SATB1: variants seen among roughly 807,000 people sequenced by gnomAD.
The protein encoded by SATB1 is SATB homeobox 1.
SATB1 carries 11 observed loss-of-function variants against 86.9 expected under a neutral mutation model. That is an observed-to-expected ratio of 0.13 (90% confidence interval 0.08 to 0.21). The LOEUF is 0.21. SATB1 is among the 10% of genes least tolerant of loss of function. The pLI is 1.00. For synonymous variants in SATB1, 357 were observed against 357.2 expected (o/e 1.00, Z 0.01); for missense variants, 551 against 937.6 (o/e 0.59, Z 5.39).
At chr3:18,392,252 G>T (rs1339867157) in intron 7 of SATB1, among the ~76,000 whole-genome samples, 1 of 152,050 alleles carries the variant, frequency 6.6e-6, no homozygotes, top group African/African-American at 2.4e-5. Context: ...CTTTTTCAAA[G>T]AGATTAATAT....
At chr3:18,422,653 A>G (rs1223050584) in intron 1 of SATB1, among the ~76,000 whole-genome samples, 1 of 152,256 alleles carries the variant, frequency 6.6e-6, no homozygotes, top group Non-Finnish European at 1.5e-5. Flanking sequence ...AACACTCTTT[A>G]TAACGTTTCA....
At chr3:18,392,350 C>G (rs1239635338) in intron 7 of SATB1, among the ~76,000 whole-genome samples, 1 of 152,074 alleles carries the variant, frequency 6.6e-6, no homozygotes, top group Non-Finnish European at 1.5e-5. Flanking sequence ...AAAGGCAGAA[C>G]AAATGGCCAA....
intron 2 of SATB1, among the ~76,000 whole-genome samples, chr3:18,431,090 G>A (rs990687980): frequency 1.3e-5 from 2 of 152,232 alleles, no homozygotes; most frequent in Middle Eastern, 3.4e-3. Context: ...GACAGGGCAC[G>A]GTGGTAATAA....
chr3:18,351,173 A>G, intron 10 of SATB1: 1 of 705,464 alleles, frequency 1.4e-6, no homozygotes. Flanking sequence ...ATAAGGCTGC[A>G]TCTGCTGGCA....
upstream of SATB1, among the ~76,000 whole-genome samples, chr3:18,443,682 G>C (rs189191343): frequency 8.3e-4 from 126 of 152,234 alleles, no homozygotes; most frequent in African/African-American, 2.9e-3. This position sits in a 1 kb window ranked among gnomAD's most constrained non-coding sequence, Gnocchi z 4.4. Flanking sequence ...CGTCCTTCTC[G>C]TCGTGGTTTC....
intron 8 of SATB1, among the ~76,000 whole-genome samples, chr3:18,385,873 A>C (rs953107893): frequency 1.3e-5 from 2 of 152,172 alleles, no homozygotes; most frequent in Non-Finnish European, 2.9e-5. Context: ...ATCTTGGAGT[A>C]TGGATAGAAT....
At chr3:18,379,201 G>A (rs1695918967) in intron 8 of SATB1, among the ~76,000 whole-genome samples, 1 of 152,164 alleles carries the variant, frequency 6.6e-6, no homozygotes, top group Admixed American at 6.5e-5. Context: ...AATTTTAGGG[G>A]CTGAAAGCAA....
At chr3:18,350,918 T>A in intron 10 of SATB1, 1 of 273,196 alleles carries the variant, frequency 3.7e-6, no homozygotes, top group South Asian at 3.8e-5. Context: ...TGTAGGTGAC[T>A]CAACAGAGGT....
intron 2 of SATB1, among the ~76,000 whole-genome samples, chr3:18,433,238 A>G (rs1474960640): frequency 6.6e-6 from 1 of 152,204 alleles, no homozygotes; most frequent in Non-Finnish European, 1.5e-5. Context: ...AACTATATGC[A>G]TGAAATAGAT....
intron 5 of SATB1, among the ~76,000 whole-genome samples, chr3:18,414,348 G>C (rs977925535): frequency 1.3e-5 from 2 of 151,912 alleles, no homozygotes; most frequent in Non-Finnish European, 2.9e-5. Flanking sequence ...CATCAAAAAT[G>C]ATGTTTGATT....
At chr3:18,396,245 G>A (rs577463050) in intron 6 of SATB1, among the ~76,000 whole-genome samples, 46 of 151,694 alleles carry the variant, frequency 3.0e-4, no homozygotes, top group African/African-American at 9.9e-4. Context: ...AATATTAAGA[G>A]CTAAAACTTG....
At chr3:18,392,729 G>T (rs892308813) in intron 7 of SATB1, among the ~76,000 whole-genome samples, 8 of 151,914 alleles carry the variant, frequency 5.3e-5, no homozygotes, top group South Asian at 2.1e-4. Flanking sequence ...AGAATTATTA[G>T]TACTTACTAT....
Position 18,386,349 on chromosome 3 carries a change from A to G in SATB1, c.1419+50T>C, listed in dbSNP as rs940884802. The G allele has an allele frequency of 2.9e-6, 4 of 1,377,782 alleles. No individual in the cohort carries two copies. The African/African-American group carries it at 4.3e-5, about 15-fold the overall frequency. 85.3% of individuals were successfully genotyped at this position (1,377,782 alleles called of 1,614,324 possible). On this transcript the variant is annotated intron_variant, in intron 8 of 10. Transcript: ENST00000338745. This position sits in a 1 kb window ranked among gnomAD's most constrained non-coding sequence, Gnocchi z 4.5. ...TTCTTATTGAGATTCTTCCTCAAGC[A>G]TTAAAAAAAAGCTAAACAAAGAAGG...
upstream of SATB1, among the ~76,000 whole-genome samples, chr3:18,425,603 G>C (rs889155457): frequency 2.0e-5 from 3 of 151,858 alleles, no homozygotes; most frequent in African/African-American, 7.3e-5. Flanking sequence ...GCAAGAATTT[G>C]TAATGAGCTT....
intron 5 of SATB1, among the ~76,000 whole-genome samples, chr3:18,412,570 T>C (rs73040331): frequency 0.048 from 7,370 of 152,146 alleles, 244 homozygotes; most frequent in Non-Finnish European, 0.075. Flanking sequence ...CTCCCATGAA[T>C]GAATCAACAC....
intron 8 of SATB1, 132 bp from the exon 9 acceptor site, chr3:18,378,457 C>T (rs1443634958): frequency 8.5e-6 from 7 of 824,774 alleles, no homozygotes; most frequent in Non-Finnish European, 1.1e-5. Flanking sequence ...AGTCATTCAA[C>T]ATTAGTTATT....
Position 18,394,439 on chromosome 3 carries a change from AC to A in SATB1, c.1206+22del. The A allele has an allele frequency of 6.2e-7, 1 of 1,603,558 alleles. No individual in the cohort carries two copies. Among genetic ancestry groups the A allele is most frequent in the Non-Finnish European group, 8.5e-7 (1 of 1,170,554 alleles). ...AAGAGAAAATAGGAGACAGCACAGA[AC>A]CACTTATGAAACACAACTGACCTGA... On this transcript the variant is annotated intron_variant, in intron 7 of 10. Transcript: ENST00000338745. This position sits in a 1 kb window ranked among gnomAD's most constrained non-coding sequence, Gnocchi z 5.9.
intron 9 of SATB1, among the ~76,000 whole-genome samples, chr3:18,356,240 T>G (rs1453842416): frequency 6.6e-6 from 1 of 151,852 alleles, no homozygotes; most frequent in African/African-American, 2.4e-5. Flanking sequence ...AAGTCTTAAA[T>G]CCATCTGCCA....
At chr3:18,436,774 T>A (rs935784666) in intron 2 of SATB1, 2 of 152,240 alleles carry the variant, frequency 1.3e-5, no homozygotes, top group African/African-American at 4.8e-5. Context: ...TACTTTTTTG[T>A]AGTTTAATAC....
Sources: allele counts gnomAD v4.1 joint callset (sites outside exome capture counted in the v4.1 genomes callset), GRCh38; gene constraint gnomAD v4.1.1; non-coding constraint Gnocchi (gnomAD v3.1); transcripts MANE v1.5; gene names NCBI Gene and HGNC (gene_info 2026-07-23, HGNC 2026-07-21).